The following OPCML variants were observed in gnomAD, a reference collection of about 807,000 sequenced individuals.
The protein encoded by OPCML is opioid binding protein/cell adhesion molecule like.
In OPCML, 13 loss-of-function variants were observed where a neutral mutation model predicts 37.8. The ratio of observed to expected loss-of-function variants is 0.34; its 90% CI spans 0.22 to 0.55. The LOEUF is 0.55. OPCML is among the 20% of genes least tolerant of loss of function. OPCML has a pLI of 0.91. For synonymous variants in OPCML, 176 were observed against 168.8 expected (o/e 1.04, Z -0.33); for missense variants, 341 against 435.6 (o/e 0.78, Z 1.93).
intron 1 of OPCML, among the ~76,000 whole-genome samples, chr11:133,487,196 G>A (rs1459056341): frequency 1.3e-5 from 2 of 152,032 alleles, no homozygotes; most frequent in Non-Finnish European, 2.9e-5. Flanking sequence ...GCTTCTTACT[G>A]TATTCAGAAT....
intron 1 of OPCML, among the ~76,000 whole-genome samples, chr11:133,198,607 A>G (rs117294837): frequency 0.013 from 2,016 of 152,348 alleles, 36 homozygotes; most frequent in South Asian, 0.036. Flanking sequence ...CACGTGAAGC[A>G]CTGTGGAGAG....
intron 3 of OPCML, among the ~76,000 whole-genome samples, chr11:132,600,266 G>C (rs1295070662): frequency 1.3e-5 from 2 of 152,222 alleles, no homozygotes; most frequent in African/African-American, 2.4e-5. Flanking sequence ...GATCAGAAAA[G>C]CCACTCACTC....
At chr11:133,109,272 G>A (rs1234363328) in intron 1 of OPCML, among the ~76,000 whole-genome samples, 2 of 152,122 alleles carry the variant, frequency 1.3e-5, no homozygotes, top group African/African-American at 4.8e-5. Context: ...AGAGTGGGCA[G>A]TAGCAAGGTT....
chr11:132,635,288 T>G (rs1474755788), intron 3 of OPCML, among the ~76,000 whole-genome samples: 1 of 152,206 alleles, frequency 6.6e-6, no homozygotes, highest in Non-Finnish European at 1.5e-5. Context: ...ATTGGTATAT[T>G]TTTAAGAAGT....
chr11:132,467,033 T>C (rs2105632), intron 4 of OPCML, among the ~76,000 whole-genome samples: 21,647 of 152,128 alleles, frequency 0.14, 1,868 homozygotes, highest in East Asian at 0.35. Context: ...GGCTGAGAAG[T>C]GTAAAACTAA....
At chr11:132,638,163 C>CTATATATATATATATATATA (rs71905540) in intron 3 of OPCML, among the ~76,000 whole-genome samples, 2,842 of 127,466 alleles carry the variant, frequency 0.022, 100 homozygotes, top group East Asian at 0.039. Context: ...TATATACAGA[C>CTATATATATATATATATATA]TATATATATA....
At chr11:132,505,205 C>G (rs1359052516) in intron 4 of OPCML, among the ~76,000 whole-genome samples, 2 of 152,084 alleles carry the variant, frequency 1.3e-5, no homozygotes, top group Admixed American at 6.6e-5. Flanking sequence ...ACTTACCACA[C>G]AGATCACACC....
chr11:133,380,561 A>G (rs1944908703), intron 1 of OPCML, among the ~76,000 whole-genome samples: 1 of 152,242 alleles, frequency 6.6e-6, no homozygotes, highest in Non-Finnish European at 1.5e-5. Flanking sequence ...TGGTAACTAC[A>G]TATTGCATTA....
chr11:133,058,794 G>A (rs1029858817), intron 1 of OPCML, among the ~76,000 whole-genome samples: 2 of 152,204 alleles, frequency 1.3e-5, no homozygotes, highest in African/African-American at 4.8e-5. Context: ...CATAACCTAA[G>A]TATTTTAAGG....
chr11:133,067,715 G>C lies in OPCML; in HGVS notation c.62-124705C>G, dbSNP rs578257767. 3.3e-5 allele frequency: 5 copies of C among 152,304 alleles called. No individual in the cohort carries two copies. The South Asian group carries it at 8.3e-4, about 25-fold the overall frequency. The allele number at this position is 152,304 out of a possible 1,614,324, so 9.4% of individuals were successfully genotyped here. A position where few individuals can be genotyped will look rare whatever the true frequency, so the allele number is the denominator to read the frequency against. On this transcript the variant is annotated intron_variant, in intron 1 of 7. Transcript: ENST00000524381. The stretch of plus-strand genomic sequence containing the variant: ...TGAAGTTAGTGTCTTGAAGCTTCTT[G>C]TTGCCTCTTTCACTGGCCCTTCCTA...
intron 1 of OPCML, chr11:133,005,224 G>A (rs923760148): frequency 1.0e-6 from 1 of 985,196 alleles, no homozygotes; most frequent in African/African-American, 1.7e-5. Context: ...CAATTCCTGG[G>A]GAGAGACGAT....
At chr11:133,106,507 TAAC>T (rs1949159890) in intron 1 of OPCML, among the ~76,000 whole-genome samples, 1 of 152,194 alleles carries the variant, frequency 6.6e-6, no homozygotes, top group African/African-American at 2.4e-5. Context: ...TCTAAAGAAA[TAAC>T]AAACTCCCCT....
intron 3 of OPCML, among the ~76,000 whole-genome samples, chr11:132,576,769 CA>C (rs1375791129): frequency 6.6e-6 from 1 of 152,094 alleles, no homozygotes; most frequent in Non-Finnish European, 1.5e-5. Context: ...CGACTCCTAC[CA>C]ATCAGCCTAG....
chr11:132,426,898 A>C (rs1191838936), intron 7 of OPCML, among the ~76,000 whole-genome samples: 1 of 152,204 alleles, frequency 6.6e-6, no homozygotes, highest in African/African-American at 2.4e-5. Flanking sequence ...AGGTGTTGAC[A>C]ATCACAGTAC....
chr11:132,514,358 G>A (rs2096275326), intron 4 of OPCML, among the ~76,000 whole-genome samples: 1 of 152,216 alleles, frequency 6.6e-6, no homozygotes, highest in Non-Finnish European at 1.5e-5. Context: ...ATGGACAAAG[G>A]CCAGTGCGAC....
chr11:132,568,053 C>T (rs11223127), intron 3 of OPCML, among the ~76,000 whole-genome samples: 80,976 of 139,688 alleles, frequency 0.58, 22,348 homozygotes, highest in African/African-American at 0.63. Flanking sequence ...CGCGCGCGCG[C>T]GTGTGTGTGT....
At chr11:133,424,489 C>T (rs1945959899) in intron 1 of OPCML, among the ~76,000 whole-genome samples, 1 of 152,006 alleles carries the variant, frequency 6.6e-6, no homozygotes, top group African/African-American at 2.4e-5. Context: ...ACTTTTATGT[C>T]CTACTTTCAC....
intron 1 of OPCML, among the ~76,000 whole-genome samples, chr11:133,140,535 A>G (rs1377968388): frequency 8.5e-6 from 1 of 117,124 alleles, no homozygotes; most frequent in African/African-American, 4.2e-5. Context: ...TAATAATAAG[A>G]AGAAGAAGAA....
chr11:132,474,122 G>T (rs1364940450), intron 4 of OPCML, among the ~76,000 whole-genome samples: 1 of 152,114 alleles, frequency 6.6e-6, no homozygotes, highest in Admixed American at 6.6e-5. Context: ...ACATTTACCA[G>T]CAGACAGACC....
Sources: gnomAD v4.1 joint callset for allele counts (sites outside exome capture counted in the v4.1 genomes callset) on GRCh38, gnomAD v4.1.1 for gene constraint, MANE v1.5 for transcripts, NCBI Gene and HGNC (gene_info 2026-07-23, HGNC 2026-07-21) for gene names.